The following NCKAP5 variants were observed in gnomAD, a reference collection of about 807,000 sequenced individuals.
The protein encoded by NCKAP5 is NCK associated protein 5.
NCKAP5 carries 92 observed loss-of-function variants against 167.0 expected under a neutral mutation model. The ratio of observed to expected loss-of-function variants is 0.55; its 90% CI spans 0.47 to 0.66. NCKAP5 has a LOEUF of 0.66. NCKAP5 is among the 30% of genes least tolerant of loss of function. The pLI is 0.00. For synonymous variants in NCKAP5, 891 were observed against 877.4 expected, an observed-to-expected ratio of 1.02 and a Z score of -0.27; for missense variants, 2,378 against 2,315.0, an observed-to-expected ratio of 1.03 and a Z score of -0.56.
intron 15 of NCKAP5, among the ~76,000 whole-genome samples, chr2:132,780,557 CTCTG>C (rs1226631909): frequency 6.6e-6 from 1 of 152,184 alleles, no homozygotes; most frequent in Non-Finnish European, 1.5e-5. Flanking sequence ...TCTTAATAGC[CTCTG>C]TCTAAGTTGC....
intron 3 of NCKAP5, among the ~76,000 whole-genome samples, chr2:133,500,702 T>C (rs1306164176): frequency 6.6e-6 from 1 of 152,182 alleles, no homozygotes; most frequent in Non-Finnish European, 1.5e-5. Context: ...TTTAAGCAAA[T>C]ATCTCATTTT....
At chr2:133,239,007 T>C (rs2087553927) in intron 4 of NCKAP5, among the ~76,000 whole-genome samples, 1 of 152,190 alleles carries the variant, frequency 6.6e-6, no homozygotes, top group South Asian at 2.1e-4. Context: ...ATGTTATACA[T>C]ACAATCCCTA....
chr2:133,342,218 C>G (rs570681361), intron 3 of NCKAP5, among the ~76,000 whole-genome samples: 1 of 152,162 alleles, frequency 6.6e-6, no homozygotes, highest in East Asian at 1.9e-4. Flanking sequence ...TCTAAACATT[C>G]TTTAGGGCTT....
chr2:133,597,478 G>T, the NCKAP5 span, among the ~76,000 whole-genome samples: 1 of 151,954 alleles, frequency 6.6e-6, no homozygotes, highest in African/African-American at 2.4e-5. Flanking sequence ...GACCATCCTG[G>T]CTAACAAGGT....
intron 3 of NCKAP5, among the ~76,000 whole-genome samples, chr2:133,470,268 C>T (rs897770551): frequency 2.0e-5 from 3 of 151,746 alleles, no homozygotes; most frequent in African/African-American, 7.3e-5. Context: ...GAATACCCTG[C>T]CGTGTGAGGT....
At chr2:133,240,153 A>G (rs1369536781) in intron 4 of NCKAP5, among the ~76,000 whole-genome samples, 1 of 152,222 alleles carries the variant, frequency 6.6e-6, no homozygotes, top group Non-Finnish European at 1.5e-5. Context: ...CCATGCAGAT[A>G]GAATACCTAC....
rs567921801 is a variant in NCKAP5, at chr2:133,183,950, T to A, written c.207+29766A>T. Reference sequence around the variant, plus strand: ...GCAAGTATGTGCAAAACAAAATTTATATTTTTATTTTTATTTTTTTTCTAC... The same window carrying A: ...GCAAGTATGTGCAAAACAAAATTTAAATTTTTATTTTTATTTTTTTTCTAC... On this transcript the variant is annotated intron_variant, in intron 5 of 19. Coordinates refer to ENST00000409261, the MANE Select transcript of NCKAP5 (RefSeq NM_207363.3). Among the ~76,000 whole-genome samples, 919 of 152,238 alleles carry A rather than the reference T, an allele frequency of 6.0e-3. 5 individuals carry two copies. The highest frequency in any genetic ancestry group is 0.021 in the African/African-American group (862 of 41,568).
chr2:133,386,489 A>AGGTGT (rs1392639877), intron 3 of NCKAP5, among the ~76,000 whole-genome samples: 3 of 152,152 alleles, frequency 2.0e-5, no homozygotes, highest in African/African-American at 7.2e-5. Flanking sequence ...ATTTTGGAAT[A>AGGTGT]GGTGTGGTGT....
the NCKAP5 span, among the ~76,000 whole-genome samples, chr2:133,655,525 A>G: frequency 3.3e-5 from 5 of 152,158 alleles, no homozygotes; most frequent in African/African-American, 1.2e-4. Flanking sequence ...GATCCAGTAC[A>G]GGTCTGCGAT....
chr2:133,658,641 G>A, the NCKAP5 span, among the ~76,000 whole-genome samples: 2 of 152,084 alleles, frequency 1.3e-5, no homozygotes, highest in South Asian at 2.1e-4. Flanking sequence ...GGATGCAAAG[G>A]CTCAGGGACA....
chr2:133,078,058 T>C (rs984289165), intron 6 of NCKAP5, among the ~76,000 whole-genome samples: 3 of 152,280 alleles, frequency 2.0e-5, no homozygotes, highest in Middle Eastern at 6.8e-3. Context: ...TATGGGACTT[T>C]AGGGTTCAGT....
At chr2:132,958,277 C>T (rs1287672523) in intron 8 of NCKAP5, among the ~76,000 whole-genome samples, 1 of 152,076 alleles carries the variant, frequency 6.6e-6, no homozygotes, top group Non-Finnish European at 1.5e-5. Flanking sequence ...CCCTCTAGTC[C>T]AATAACATTA....
At chr2:132,838,578 G>C (rs1688069912) in intron 11 of NCKAP5, among the ~76,000 whole-genome samples, 1 of 152,156 alleles carries the variant, frequency 6.6e-6, no homozygotes. Flanking sequence ...CTTGCAGTGA[G>C]CTGAGATTAC....
intron 5 of NCKAP5, among the ~76,000 whole-genome samples, chr2:133,135,256 G>A (rs1478604592): frequency 6.6e-6 from 1 of 152,178 alleles, no homozygotes; most frequent in African/African-American, 2.4e-5. Context: ...ATGACCAGGT[G>A]CTACCAGGCG....
At chr2:132,937,588 A>C (rs1696951893) in intron 8 of NCKAP5, among the ~76,000 whole-genome samples, 2 of 152,144 alleles carry the variant, frequency 1.3e-5, no homozygotes, top group South Asian at 4.1e-4. Flanking sequence ...GGATAGAAAA[A>C]CTTGATGACC....
At chr2:133,511,226 C>T (rs1485305274) in intron 3 of NCKAP5, among the ~76,000 whole-genome samples, 1 of 152,190 alleles carries the variant, frequency 6.6e-6, no homozygotes, top group African/African-American at 2.4e-5. Context: ...CCCTCCAAGA[C>T]TTTTCGTGTT....
intron 16 of NCKAP5, among the ~76,000 whole-genome samples, chr2:132,754,188 C>T (rs7595365): frequency 0.63 from 95,267 of 152,004 alleles, 31,977 homozygotes; most frequent in African/African-American, 0.87. Flanking sequence ...GTAGCTGGCA[C>T]GATAACATGT....
At chr2:133,270,108 A>T (rs76658435) in intron 4 of NCKAP5, among the ~76,000 whole-genome samples, 370 of 152,346 alleles carry the variant, frequency 2.4e-3, no homozygotes, top group Non-Finnish European at 4.3e-3. Flanking sequence ...TAAAGCTCTT[A>T]GAATAGTTCC....
intron 4 of NCKAP5, among the ~76,000 whole-genome samples, chr2:133,233,220 C>T (rs10206544): frequency 0.11 from 16,880 of 152,140 alleles, 1,037 homozygotes; most frequent in South Asian, 0.15. Context: ...TGACCTATTA[C>T]GTATAGGTCA....
Sources: gnomAD v4.1 joint callset for allele counts (sites outside exome capture counted in the v4.1 genomes callset) on GRCh38, gnomAD v4.1.1 for gene constraint, MANE v1.5 for transcripts, NCBI Gene and HGNC (gene_info 2026-07-23, HGNC 2026-07-21) for gene names.